Variants in PATL2 observed in about 807,000 individuals in gnomAD.
PATL2 encodes the protein PAT1 homolog 2.
A neutral mutation model predicts 77.0 loss-of-function variants in PATL2; 73 were observed. The observed-to-expected ratio is 0.95, with a 90% CI of 0.78 to 1.15. The LOEUF (loss-of-function observed/expected upper bound fraction) is 1.15. Ranked by LOEUF, PATL2 falls within the 50% of genes most tolerant of loss-of-function variation. PATL2 has a pLI of 0.00. For synonymous variants in PATL2, 265 were observed against 257.1 expected, an observed-to-expected ratio of 1.03 and a Z score of -0.29; for missense variants, 618 against 655.4, an observed-to-expected ratio of 0.94 and a Z score of 0.62.
intron 3 of PATL2, among the ~76,000 whole-genome samples, chr15:44,690,842 G>A (rs2086375266): frequency 6.6e-6 from 1 of 152,020 alleles, no homozygotes; most frequent in South Asian, 2.1e-4. Flanking sequence ...TTAACATAAT[G>A]CTGTTGACAG....
At position 44,711,303 on chromosome 15, in the gene PATL2, G is replaced by A. The variant is rs2086856308; in HGVS notation, c.-537C>T. On this transcript the variant is annotated 5_prime_UTR_variant, in exon 1 of 18. Coordinates refer to ENST00000682850, the MANE Select transcript of PATL2 (RefSeq NM_001387263.1). ...GCTGGGGCGCGCACCCCAGATCGGA[G>A]GGCGCCGATGTACAGACAGCAAACT... The A allele has an allele frequency of 1.6e-6, 1 of 607,178 alleles. No individual in the cohort carries two copies. The highest frequency in any genetic ancestry group is 3.0e-6 in the Non-Finnish European group (1 of 338,774). The allele number at this position is 607,178 out of a possible 1,614,324, so 37.6% of individuals were successfully genotyped here.
chr15:44,679,552 CTTTTTTTTTTT>C (rs545161525), intron 3 of PATL2, among the ~76,000 whole-genome samples: 2 of 114,360 alleles, frequency 1.7e-5, no homozygotes, highest in African/African-American at 3.3e-5. Flanking sequence ...TTTTCTTTTT[CTTTTTTTTTTT>C]TTTTTTTTTA....
chr15:44,688,609 G>A (rs867014772), intron 3 of PATL2, among the ~76,000 whole-genome samples: 24 of 152,152 alleles, frequency 1.6e-4, no homozygotes, highest in African/African-American at 5.8e-4. Context: ...AGCAGTGGGG[G>A]AAAGGATTCC....
intron 3 of PATL2, among the ~76,000 whole-genome samples, chr15:44,695,393 C>T (rs2086483147): frequency 6.6e-6 from 1 of 152,314 alleles, no homozygotes; most frequent in South Asian, 2.1e-4. Flanking sequence ...GCTCCATCTT[C>T]CCTTTTCTTT....
chr15:44,711,061 G>A lies in PATL2; in HGVS notation c.-295C>T. The stretch of plus-strand genomic sequence containing the variant: ...CCCTGCAGGGAATTCCCAAGCTGTA[G>A]TTATAAACAGAAGTTCTCCTTCTGC... On this transcript the variant is annotated 5_prime_UTR_variant, in exon 1 of 18. Coordinates refer to ENST00000682850, the MANE Select transcript of PATL2 (RefSeq NM_001387263.1). 1.1e-5 allele frequency: 3 copies of A among 265,676 alleles called. No individual in the cohort carries two copies. Among genetic ancestry groups the A allele is most frequent in the Non-Finnish European group, 2.3e-5 (3 of 133,232 alleles). The allele number at this position is 265,676 out of a possible 1,614,324, so 16.5% of individuals were successfully genotyped here.
At position 44,673,566 on chromosome 15, in the gene PATL2, G is replaced by T. The variant is rs575602627; in HGVS notation, c.304-189C>A. ...ATGGTTCCTGCCCTTGTTTCAACAG[G>T]GCTTGACTAGGAAGCAGCTCTTCAT... On this transcript the variant is annotated intron_variant, in intron 6 of 17. Coordinates refer to ENST00000682850, the MANE Select transcript of PATL2 (RefSeq NM_001387263.1). Among the ~76,000 whole-genome samples the T allele has an allele frequency of 2.0e-5, 3 of 152,254 alleles. No homozygotes were observed. The South Asian group carries it at 6.2e-4, about 32-fold the overall frequency.
Position 44,665,860 on chromosome 15 carries a change from T to C in PATL2, c.*93A>G, listed in dbSNP as rs1395028293. On this transcript the variant is annotated 3_prime_UTR_variant, in exon 18 of 18. Transcript: ENST00000682850. ...CCAATATATAAAGGCATAAGAAATG[T>C]CTTCAGACTCTCTGGATCCCTGTAA... The C allele has an allele frequency of 1.3e-6, 2 of 1,548,814 alleles. No individual in the cohort carries two copies. Among genetic ancestry groups the C allele is most frequent in the Non-Finnish European group, 8.7e-7 (1 of 1,145,830 alleles).
chr15:44,689,305 A>G (rs531087864), intron 3 of PATL2, among the ~76,000 whole-genome samples: 1 of 152,362 alleles, frequency 6.6e-6, no homozygotes, highest in East Asian at 1.9e-4. Context: ...CAGTGTGGTG[A>G]TTCCTTAAGG....
chr15:44,696,418 T>C lies in PATL2; in HGVS notation c.-76+13678A>G, dbSNP rs190225526. Reference sequence around the variant, plus strand: ...TTAAGGATGAATAATACATTTAAAATTATGGTTATTACTGGGAGAGGATTT... The same window carrying C: ...TTAAGGATGAATAATACATTTAAAACTATGGTTATTACTGGGAGAGGATTT... On this transcript the variant is annotated intron_variant, in intron 3 of 17. Transcript: ENST00000682850. Among the ~76,000 whole-genome samples the C allele has an allele frequency of 4.4e-3, 670 of 152,350 alleles. 3 individuals carry two copies. Among genetic ancestry groups the C allele is most frequent in the African/African-American group, 0.016 (649 of 41,582 alleles).
At chr15:44,710,399 C>T (rs948639796) in intron 2 of PATL2, among the ~76,000 whole-genome samples, 185 bp from the exon 3 acceptor site, 1 of 152,164 alleles carries the variant, frequency 6.6e-6, no homozygotes, top group Non-Finnish European at 1.5e-5. Flanking sequence ...CACGAAATGG[C>T]GGCACCTTAT....
At chr15:44,700,879 A>G (rs1595988177) in intron 3 of PATL2, among the ~76,000 whole-genome samples, 2 of 152,232 alleles carry the variant, frequency 1.3e-5, no homozygotes, top group East Asian at 3.9e-4. Flanking sequence ...TTTTCCCCTA[A>G]TTCACTATGA....
At chr15:44,696,879 C>T (rs1171906184) in intron 3 of PATL2, among the ~76,000 whole-genome samples, 1 of 152,146 alleles carries the variant, frequency 6.6e-6, no homozygotes. Context: ...ATTGGAATCT[C>T]CTGGTGGGCA....
At chr15:44,698,148 T>C (rs1324359506) in intron 3 of PATL2, among the ~76,000 whole-genome samples, 1 of 152,016 alleles carries the variant, frequency 6.6e-6, no homozygotes, top group Non-Finnish European at 1.5e-5. Context: ...TGTATATATA[T>C]ATATGAAGTG....
chr15:44,676,321 G>T lies in PATL2; in HGVS notation c.16+154C>A, dbSNP rs561728782. On this transcript the variant is annotated intron_variant, in intron 4 of 17. Transcript: ENST00000682850. ...TGAGAAAAATAAAGCCCAGAAGAGTGACCTTTCAGTCACCCATTATGATAT... is the reference window on the plus strand; with the variant it reads ...TGAGAAAAATAAAGCCCAGAAGAGTTACCTTTCAGTCACCCATTATGATAT... The T allele has an allele frequency of 1.4e-5, 10 of 724,578 alleles. No homozygotes were observed. In the East Asian group the frequency reaches 2.8e-4, roughly 20 times the overall value. The allele number at this position is 724,578 out of a possible 1,614,324, so 44.9% of individuals were successfully genotyped here. A position where few individuals can be genotyped will look rare whatever the true frequency, so the allele number is the denominator to read the frequency against.
chr15:44,667,243 C>A, intron 15 of PATL2, 40 bp from the exon 16 acceptor site: 1 of 1,430,960 alleles, frequency 7.0e-7, no homozygotes. Flanking sequence ...AAAATGAGTT[C>A]ACACTCGGCA....
At chr15:44,695,945 A>C (rs2086494379) in intron 3 of PATL2, among the ~76,000 whole-genome samples, 9 of 152,218 alleles carry the variant, frequency 5.9e-5, no homozygotes, top group Admixed American at 5.9e-4. Context: ...AGCAGGTCTA[A>C]CAGTGTCAGG....
At chr15:44,703,696 T>C (rs950452781) in intron 3 of PATL2, among the ~76,000 whole-genome samples, 2 of 149,848 alleles carry the variant, frequency 1.3e-5, no homozygotes, top group African/African-American at 4.9e-5. Context: ...AGTGTGCTCC[T>C]TGTAGGCAAC....
At position 44,674,158 on chromosome 15, in the gene PATL2, G is replaced by A. The variant is rs1191984230; in HGVS notation, c.295C>T (p.Leu99=). ...LGMSLASLHF[L]WQTLDYLSPI... ...GACTGCAGCAGACTCACCTGCCACA[G>A]AAAATGCAAGGAGGCAAGTGACATT... The change falls in exon 6 of 18, where the codon CTG becomes TTG. Residue 99 remains leucine, a synonymous_variant. Transcript: ENST00000682850. The A allele has an allele frequency of 2.6e-6, 4 of 1,548,630 alleles. No individual in the cohort carries two copies. Among genetic ancestry groups the A allele is most frequent in the Non-Finnish European group, 3.5e-6 (4 of 1,144,284 alleles).
At position 44,668,370 on chromosome 15, in the gene PATL2, C is replaced by T. The variant is rs763592153; in HGVS notation, c.1337G>A (p.Arg446Gln). The change falls in exon 15 of 18, where the codon CGG (arginine) becomes CAG (glutamine). Residue 446 changes from arginine (R) to glutamine (Q), a missense_variant. Arg to Gln is a conservative substitution (Grantham distance 43). Coordinates refer to ENST00000682850, the MANE Select transcript of PATL2 (RefSeq NM_001387263.1). Reference sequence around the variant, plus strand: ...ATTCTGAAGCACCACGGTGACTGGCCGCTCTGAGGAGCCAGGTGGCAACAG... The same window carrying T: ...ATTCTGAAGCACCACGGTGACTGGCTGCTCTGAGGAGCCAGGTGGCAACAG... ...LTLLPPGSSE[R>Q]PVTVVLQNQF... 7.7e-6 allele frequency: 12 copies of T among 1,550,950 alleles called. No homozygotes were observed. Among genetic ancestry groups the T allele is most frequent in the South Asian group, 3.6e-5 (3 of 84,014 alleles).
Sources: allele counts gnomAD v4.1 joint callset (sites outside exome capture counted in the v4.1 genomes callset), GRCh38; gene constraint gnomAD v4.1.1; transcripts MANE v1.5; gene names NCBI Gene and HGNC (gene_info 2026-07-23, HGNC 2026-07-21).